RAP1A: variants seen among roughly 807,000 people sequenced by gnomAD.
RAP1A encodes the protein RAP1A, member of RAS oncogene family.
RAP1A carries 6 observed loss-of-function variants against 26.4 expected under a neutral mutation model. The ratio of observed to expected loss-of-function variants is 0.23; its 90% CI spans 0.12 to 0.45. The LOEUF (loss-of-function observed/expected upper bound fraction) is 0.45, where lower values mean the gene tolerates loss of function less well. RAP1A is among the 20% of genes least tolerant of loss of function. The pLI is 0.99. For synonymous variants in RAP1A, 73 were observed against 79.4 expected, an observed-to-expected ratio of 0.92 and a Z score of 0.43; for missense variants, 121 against 217.2, an observed-to-expected ratio of 0.56 and a Z score of 2.78.
At chr1:111,644,849 T>G (rs1479290976) in intron 1 of RAP1A, among the ~76,000 whole-genome samples, 1 of 152,252 alleles carries the variant, frequency 6.6e-6, no homozygotes, top group African/African-American at 2.4e-5. Flanking sequence ...TGGGCCCTCT[T>G]CTCTCCTAGA....
rs1010751521 is a variant in RAP1A, at chr1:111,635,259, G to A, written c.-28+15325G>A. 5.9e-5 allele frequency among the ~76,000 whole-genome samples: 9 copies of A among 152,098 alleles called. 1 individual carries two copies. The highest frequency in any genetic ancestry group is 2.6e-4 in the Admixed American group (4 of 15,280). On this transcript the variant is annotated intron_variant, in intron 1 of 7. Transcript: ENST00000369709. Reference sequence around the variant, plus strand: ...TCTAACTCAGATTTGCTTCAGTTACGTCATATGCTGTTTTATGGATAAGTG... The same window carrying A: ...TCTAACTCAGATTTGCTTCAGTTACATCATATGCTGTTTTATGGATAAGTG...
At chr1:111,568,852 A>G (rs905315825) in intron 1 of RAP1A, among the ~76,000 whole-genome samples, 1 of 152,116 alleles carries the variant, frequency 6.6e-6, no homozygotes, top group Non-Finnish European at 1.5e-5. Flanking sequence ...CCTACTCAAC[A>G]TGAAGATGAG....
intron 4 of RAP1A, among the ~76,000 whole-genome samples, chr1:111,701,147 T>G (rs1332143312): frequency 6.6e-6 from 1 of 151,896 alleles, no homozygotes; most frequent in Non-Finnish European, 1.5e-5. Context: ...AAGGTCCAAA[T>G]GAGAATCCTC....
At chr1:111,545,958 G>C (rs189744870) in intron 1 of RAP1A, among the ~76,000 whole-genome samples, 1 of 152,048 alleles carries the variant, frequency 6.6e-6, no homozygotes, top group South Asian at 2.1e-4. Context: ...CTGAACTTTC[G>C]GTTTAATTCA....
intron 4 of RAP1A, among the ~76,000 whole-genome samples, chr1:111,700,027 T>A (rs951583169): frequency 6.6e-6 from 1 of 152,178 alleles, no homozygotes; most frequent in African/African-American, 2.4e-5. Flanking sequence ...ATTTCCTCTG[T>A]CTCATTGGTT....
chr1:111,578,740 C>T (rs1658193211), intron 1 of RAP1A, among the ~76,000 whole-genome samples: 1 of 152,318 alleles, frequency 6.6e-6, no homozygotes, highest in African/African-American at 2.4e-5. Flanking sequence ...AATTCTGATT[C>T]TATCTACCTG....
At chr1:111,630,592 G>C (rs145662435) in intron 1 of RAP1A, among the ~76,000 whole-genome samples, 46 of 152,264 alleles carry the variant, frequency 3.0e-4, no homozygotes, top group African/African-American at 1.1e-3. Flanking sequence ...ATGATGAAAG[G>C]GTTTTAAATT....
At chr1:111,639,058 T>A (rs1269251201) in intron 1 of RAP1A, among the ~76,000 whole-genome samples, 1 of 146,190 alleles carries the variant, frequency 6.8e-6, no homozygotes, top group Non-Finnish European at 1.5e-5. Flanking sequence ...CAAATATGCC[T>A]TTTAATCTTT....
intron 1 of RAP1A, among the ~76,000 whole-genome samples, chr1:111,688,816 T>C (rs1030423157): frequency 1.4e-5 from 1 of 72,640 alleles, no homozygotes; most frequent in African/African-American, 5.3e-5. Flanking sequence ...TTGTTTTTTT[T>C]TTTTTGTTTT....
intron 1 of RAP1A, among the ~76,000 whole-genome samples, chr1:111,686,201 C>T (rs1467152648): frequency 6.6e-6 from 1 of 152,082 alleles, no homozygotes; most frequent in East Asian, 1.9e-4. Flanking sequence ...TGCAGCAAAC[C>T]ACCATGGCAC....
intron 1 of RAP1A, among the ~76,000 whole-genome samples, chr1:111,565,078 C>T (rs1657887735): frequency 6.6e-6 from 1 of 152,058 alleles, no homozygotes; most frequent in African/African-American, 2.4e-5. Flanking sequence ...AGGGAAGAAG[C>T]GAAGCCAATT....
chr1:111,613,495 G>A (rs190121136), intron 1 of RAP1A, among the ~76,000 whole-genome samples: 49 of 152,276 alleles, frequency 3.2e-4, no homozygotes, highest in Admixed American at 5.9e-4. Flanking sequence ...CACCACGCCC[G>A]GCCAGCTCTT....
At chr1:111,703,297 A>C in intron 4 of RAP1A, 39 bp from the exon 5 acceptor site, 1 of 1,353,400 alleles carries the variant, frequency 7.4e-7, no homozygotes, top group South Asian at 1.6e-5. Flanking sequence ...ACATTCAAGA[A>C]ATTTATATAT....
intron 1 of RAP1A, among the ~76,000 whole-genome samples, chr1:111,684,492 C>T (rs1339664620): frequency 6.6e-6 from 1 of 151,650 alleles, no homozygotes; most frequent in African/African-American, 2.4e-5. Flanking sequence ...CATTCCTATA[C>T]ACTAATAACA....
intron 1 of RAP1A, among the ~76,000 whole-genome samples, chr1:111,589,525 A>G (rs1185253502): frequency 1.3e-5 from 2 of 152,170 alleles, no homozygotes; most frequent in East Asian, 1.9e-4. Context: ...CACTCCCTGA[A>G]AATGCTCCAC....
intron 1 of RAP1A, among the ~76,000 whole-genome samples, chr1:111,562,428 T>C (rs1359292801): frequency 6.6e-6 from 1 of 152,196 alleles, no homozygotes; most frequent in Non-Finnish European, 1.5e-5. Context: ...CAAATAACCA[T>C]AGAAATAAAA....
At chr1:111,589,404 A>G (rs1324881095) in intron 1 of RAP1A, among the ~76,000 whole-genome samples, 1 of 152,206 alleles carries the variant, frequency 6.6e-6, no homozygotes, top group African/African-American at 2.4e-5. Flanking sequence ...ACATAGCAAG[A>G]TTCTGACTCT....
intron 1 of RAP1A, among the ~76,000 whole-genome samples, chr1:111,671,434 G>A (rs1207021090): frequency 6.6e-6 from 1 of 152,068 alleles, no homozygotes; most frequent in African/African-American, 2.4e-5. Flanking sequence ...TTCATAAAAA[G>A]TTTGCCTCAT....
chr1:111,679,431 G>A (rs1395072522), intron 1 of RAP1A, among the ~76,000 whole-genome samples: 1 of 152,206 alleles, frequency 6.6e-6, no homozygotes, highest in Non-Finnish European at 1.5e-5. Context: ...TACACCACCA[G>A]GGTCTGGGGT....
Sources: gnomAD v4.1 joint callset for allele counts (sites outside exome capture counted in the v4.1 genomes callset) on GRCh38, gnomAD v4.1.1 for gene constraint, MANE v1.5 for transcripts, NCBI Gene and HGNC (gene_info 2026-07-23, HGNC 2026-07-21) for gene names.